RASSF6: variants seen among roughly 807,000 people sequenced by gnomAD.
The protein encoded by RASSF6 is ras association domain-containing protein 6.
In RASSF6, 52 loss-of-function variants were observed where a neutral mutation model predicts 44.0. The observed-to-expected ratio is 1.18, with a 90% CI of 0.95 to 1.49. The LOEUF is 1.49. Among genes scored for constraint, RASSF6 ranks in the 40% most tolerant of loss-of-function variants. RASSF6 has a pLI of 0.00. For synonymous variants in RASSF6, 162 were observed against 124.6 expected, an observed-to-expected ratio of 1.30 and a Z score of -2.00; for missense variants, 464 against 393.3, an observed-to-expected ratio of 1.18 and a Z score of -1.52.
intron 1 of RASSF6, among the ~76,000 whole-genome samples, chr4:73,613,653 C>T (rs1726170381): frequency 1.3e-5 from 2 of 152,012 alleles, no homozygotes. Flanking sequence ...AAAGAGTTCA[C>T]TTCTCTCCTC....
At chr4:73,606,364 C>T (rs1957659) in intron 2 of RASSF6, among the ~76,000 whole-genome samples, 74,921 of 151,962 alleles carry the variant, frequency 0.49, 18,776 homozygotes, top group East Asian at 0.68. Context: ...AGTTTAACAC[C>T]GGGTACACAT....
In RASSF6 at chr4:73,576,597, G is replaced by T; in HGVS notation, c.840+16C>A. 1 of 1,587,072 alleles carries T rather than the reference G, an allele frequency of 6.3e-7. No homozygotes were observed. The highest frequency in any genetic ancestry group is 8.6e-7 in the Non-Finnish European group (1 of 1,156,644). On this transcript the variant is annotated intron_variant, in intron 9 of 10. Transcript: ENST00000307439. ...GAGGGAAGCAAAAAACAGATTCAGG[G>T]TGATGGTATTCATACATCACTGCTA...
Position 73,611,836 on chromosome 4 carries a change from A to T in RASSF6, c.-34-7T>A, listed in dbSNP as rs760492671. On this transcript the variant is annotated splice_polypyrimidine_tract_variant and splice_region_variant and intron_variant, in intron 1 of 10. Transcript: ENST00000307439. ...GAGATGGTCTGAGGATATCCTAAAC[A>T]TGAGAATAATATTAATGATTTGTTC... The T allele has an allele frequency of 6.5e-6, 10 of 1,545,446 alleles. No individual in the cohort carries two copies. In the Admixed American group the frequency reaches 1.0e-4, roughly 16 times the overall value.
Position 73,576,512 on chromosome 4 carries a change from G to C in RASSF6, c.841-5C>G, listed in dbSNP as rs746709214. On this transcript the variant is annotated splice_polypyrimidine_tract_variant and splice_region_variant and intron_variant, in intron 9 of 10. Coordinates refer to ENST00000307439, the MANE Select transcript of RASSF6 (RefSeq NM_177532.5). ...AAAGTTAATGTACTGAGCCACCTAA[G>C]AAAGAAGAAGAAGAAAAAAAAAAGA... 3 of 1,554,344 alleles carry C rather than the reference G, an allele frequency of 1.9e-6. No homozygotes were observed. Among genetic ancestry groups the C allele is most frequent in the Non-Finnish European group, 2.6e-6 (3 of 1,146,970 alleles).
chr4:73,598,179 T>G (rs1277553895), intron 3 of RASSF6, among the ~76,000 whole-genome samples: 1 of 152,232 alleles, frequency 6.6e-6, no homozygotes, highest in Non-Finnish European at 1.5e-5. Context: ...ATTTCAAAAT[T>G]TTTATTATTT....
chr4:73,606,671 G>A (rs1725664176), intron 2 of RASSF6, among the ~76,000 whole-genome samples: 1 of 150,254 alleles, frequency 6.7e-6, no homozygotes, highest in Non-Finnish European at 1.5e-5. Flanking sequence ...CAGTTGAAAA[G>A]TAAACACAGG....
chr4:73,604,306 C>T (rs1351427500), intron 2 of RASSF6: 1 of 152,156 alleles, frequency 6.6e-6, no homozygotes, highest in Non-Finnish European at 1.5e-5. Context: ...AACCCCATCT[C>T]TACTAAAAAA....
At chr4:73,585,628 G>T (rs1454782176) in intron 5 of RASSF6, among the ~76,000 whole-genome samples, 1 of 150,994 alleles carries the variant, frequency 6.6e-6, no homozygotes, top group Admixed American at 6.6e-5. Flanking sequence ...CATGTTTGGG[G>T]TTTGGGCATT....
In RASSF6 at chr4:73,585,220, TTCTG is replaced by T; in HGVS notation, c.523_526del (p.Gln175LysfsTer30). ...GTGTCCATTAATAGAGGCTCTATTTTTCTGTCTTTCTTTTCTGTCCATCATCAGA... is the reference window on the plus strand; with the variant it reads ...GTGTCCATTAATAGAGGCTCTATTTTTCTTTCTTTTCTGTCCATCATCAGA... On this transcript the variant is annotated frameshift_variant, in exon 6 of 11. Transcript: ENST00000307439. LOFTEE classifies it high-confidence loss of function. 1 of 1,611,156 alleles carries T rather than the reference TTCTG, an allele frequency of 6.2e-7. No homozygotes were observed. Among genetic ancestry groups the T allele is most frequent in the Non-Finnish European group, 8.5e-7 (1 of 1,178,694 alleles).
intron 2 of RASSF6, among the ~76,000 whole-genome samples, chr4:73,605,528 T>C (rs1213097560): frequency 1.3e-5 from 2 of 152,210 alleles, no homozygotes; most frequent in South Asian, 4.1e-4. Context: ...GTTCAAATGA[T>C]GAAGAAAGAA....
At chr4:73,598,122 G>GA (rs1415799360) in intron 3 of RASSF6, among the ~76,000 whole-genome samples, 2 of 152,250 alleles carry the variant, frequency 1.3e-5, no homozygotes, top group East Asian at 1.9e-4. Flanking sequence ...TTAAAAGTTA[G>GA]AAAAATGCTT....
At chr4:73,576,844 C>T (rs1168577729) in intron 8 of RASSF6, 113 bp from the exon 9 acceptor site, 1 of 677,486 alleles carries the variant, frequency 1.5e-6, no homozygotes, top group Non-Finnish European at 2.5e-6. Flanking sequence ...AAAATAACAC[C>T]TGCAACAGGA....
Position 73,576,439 on chromosome 4 carries a change from C to T in RASSF6, c.909G>A (p.Glu303=), listed in dbSNP as rs765115658. 2 of 1,580,404 alleles carry T rather than the reference C, an allele frequency of 1.3e-6. No individual in the cohort carries two copies. The highest frequency in any genetic ancestry group is 2.3e-5 in the East Asian group (1 of 44,430). Residue 303 remains glutamate (E), a synonymous_variant, in exon 10 of 11, where the codon GAG becomes GAA. Coordinates refer to ENST00000307439, the MANE Select transcript of RASSF6 (RefSeq NM_177532.5). ...TTACTATTCTTTGAATCTCTCTTTT[C>T]TCTTCTTCATTTAATCTTTGAAGAA... ...ESILQRLNEE[E]KREIQRIVTK... is the part of the protein sequence containing the mutation.
intron 4 of RASSF6, among the ~76,000 whole-genome samples, chr4:73,588,310 T>A (rs1187127865): frequency 6.6e-6 from 1 of 152,098 alleles, no homozygotes; most frequent in Non-Finnish European, 1.5e-5. Flanking sequence ...GTGTTCTTTA[T>A]ACATTCTGTC....
At chr4:73,614,658 A>G (rs1021751179) in intron 1 of RASSF6, among the ~76,000 whole-genome samples, 25 of 152,240 alleles carry the variant, frequency 1.6e-4, no homozygotes, top group African/African-American at 6.0e-4. Context: ...AGAAATATCA[A>G]AGATATCATT....
intron 1 of RASSF6, 91 bp from the exon 2 acceptor site, chr4:73,611,920 G>A: frequency 1.2e-6 from 1 of 850,082 alleles, no homozygotes; most frequent in Non-Finnish European, 1.9e-6. Context: ...TGTGTCTCTA[G>A]AGTATAAGAA....
At chr4:73,614,325 CTT>C (rs759470341) in intron 1 of RASSF6, among the ~76,000 whole-genome samples, 35 of 152,304 alleles carry the variant, frequency 2.3e-4, no homozygotes, top group Admixed American at 2.0e-3. Flanking sequence ...GATGTTGAAA[CTT>C]AACCCCCAAT....
chr4:73,609,540 T>C (rs1243719574), intron 2 of RASSF6, among the ~76,000 whole-genome samples: 1 of 152,246 alleles, frequency 6.6e-6, no homozygotes, highest in Non-Finnish European at 1.5e-5. Flanking sequence ...ACTGATCATA[T>C]GCAATCCTCA....
intron 7 of RASSF6, 24 bp downstream of exon 7, chr4:73,582,165 G>T: frequency 9.9e-7 from 1 of 1,010,396 alleles, no homozygotes; most frequent in Non-Finnish European, 1.5e-6. Flanking sequence ...TATATTTATA[G>T]CTCAGTTAAG....
Sources: gnomAD v4.1 joint callset for allele counts (sites outside exome capture counted in the v4.1 genomes callset) on GRCh38, gnomAD v4.1.1 for gene constraint, MANE v1.5 for transcripts, NCBI Gene and HGNC (gene_info 2026-07-23, HGNC 2026-07-21) for gene names.